Variants in DLGAP1 observed in about 807,000 individuals in gnomAD.
The protein encoded by DLGAP1 is disks large-associated protein 1.
Under a neutral mutation model 90.8 loss-of-function variants are expected in DLGAP1, and 11 were observed. The ratio of observed to expected loss-of-function variants is 0.12; its 90% CI spans 0.08 to 0.20. The LOEUF (loss-of-function observed/expected upper bound fraction) is 0.20, where lower values mean the gene tolerates loss of function less well. Ranked by LOEUF, DLGAP1 falls within the 10% of genes least tolerant of loss-of-function variation. The pLI, the probability that DLGAP1 is intolerant of heterozygous loss-of-function variation, is 1.00. For synonymous variants in DLGAP1, 558 were observed against 540.7 expected, an observed-to-expected ratio of 1.03 and a Z score of -0.44; for missense variants, 1,050 against 1,333.8, an observed-to-expected ratio of 0.79 and a Z score of 3.31.
At chr18:4,382,215 C>T (rs2082139442) in intron 1 of DLGAP1, among the ~76,000 whole-genome samples, 1 of 152,160 alleles carries the variant, frequency 6.6e-6, no homozygotes, top group African/African-American at 2.4e-5. Context: ...GAGTCAGACT[C>T]TGCAGTCAGA....
At chr18:3,761,985 T>C (rs2063989449) in intron 5 of DLGAP1, among the ~76,000 whole-genome samples, 1 of 152,212 alleles carries the variant, frequency 6.6e-6, no homozygotes, top group African/African-American at 2.4e-5. Context: ...CTACTAACAT[T>C]TGGGGACCAA....
chr18:4,365,975 T>C (rs2081755219), intron 1 of DLGAP1, among the ~76,000 whole-genome samples: 1 of 152,118 alleles, frequency 6.6e-6, no homozygotes, highest in South Asian at 2.1e-4. Context: ...TTTAGCAAGA[T>C]ACACTGATTT....
At chr18:4,091,038 A>G (rs1017732472) in intron 2 of DLGAP1, among the ~76,000 whole-genome samples, 1 of 152,246 alleles carries the variant, frequency 6.6e-6, no homozygotes, top group African/African-American at 2.4e-5. Flanking sequence ...TGGGAGCTGA[A>G]CAATGAGAAC....
intron 1 of DLGAP1, among the ~76,000 whole-genome samples, chr18:4,310,797 C>T (rs4798212): frequency 0.1 from 15,954 of 152,094 alleles, 2,321 homozygotes; most frequent in African/African-American, 0.33. Context: ...TTCTGTATGC[C>T]AAAAGGTTCA....
At position 3,586,588 on chromosome 18, in the gene DLGAP1, A is replaced by T. The variant is rs185771339; in HGVS notation, c.1592-4340T>A. Among the ~76,000 whole-genome samples the T allele has an allele frequency of 2.0e-3, 304 of 152,224 alleles. 2 individuals carry two copies. Among genetic ancestry groups the T allele is most frequent in the Non-Finnish European group, 3.3e-3 (225 of 68,024 alleles). On this transcript the variant is annotated intron_variant, in intron 7 of 12. Coordinates refer to ENST00000315677, the MANE Select transcript of DLGAP1 (RefSeq NM_004746.4). ...GATCCTCCCCCTCTGCCTGCTGAATAGGTGGCACAACGGGCGCATGCCACC... is the reference window on the plus strand; with the variant it reads ...GATCCTCCCCCTCTGCCTGCTGAATTGGTGGCACAACGGGCGCATGCCACC...
chr18:3,981,410 C>T (rs1338428635), intron 3 of DLGAP1, among the ~76,000 whole-genome samples: 3 of 152,252 alleles, frequency 2.0e-5, no homozygotes, highest in African/African-American at 7.2e-5. Context: ...GGATTCAGAC[C>T]TGGCGGAGAC....
intron 7 of DLGAP1, among the ~76,000 whole-genome samples, chr18:3,696,186 A>C (rs1019035492): frequency 3.3e-5 from 5 of 152,058 alleles, no homozygotes; most frequent in Admixed American, 6.6e-5. Context: ...AATACGCTTT[A>C]TTTCTTTCTC....
chr18:3,619,081 C>G (rs2058001486), intron 7 of DLGAP1, among the ~76,000 whole-genome samples: 1 of 152,164 alleles, frequency 6.6e-6, no homozygotes, highest in Non-Finnish European at 1.5e-5. Flanking sequence ...CACCCGCAAG[C>G]CACAGAGAGA....
At position 3,874,806 on chromosome 18, in the gene DLGAP1, G is replaced by GA. The variant is rs1056025103; in HGVS notation, c.957+4305dup. ...TTGACATTTAAAAATAACAATATTG[G>GA]AAAAAAAAGGAGTCCCTTTTTTTAT... On this transcript the variant is annotated intron_variant, in intron 4 of 12. Transcript: ENST00000315677. 127 of 1,358,904 alleles carry GA rather than the reference G, an allele frequency of 9.3e-5. No homozygotes were observed. In the African/African-American group the frequency reaches 1.2e-3, roughly 13 times the overall value. The allele number at this position is 1,358,904 out of a possible 1,614,324, so 84.2% of individuals were successfully genotyped here. A position where few individuals can be genotyped will look rare whatever the true frequency, so the allele number is the denominator to read the frequency against.
chr18:3,747,676 A>G, intron 5 of DLGAP1, among the ~76,000 whole-genome samples: 1 of 152,204 alleles, frequency 6.6e-6, no homozygotes, highest in Non-Finnish European at 1.5e-5. Context: ...TGGGGAAATG[A>G]GGCATCATTG....
At chr18:3,833,477 T>C (rs1387366985) in intron 4 of DLGAP1, among the ~76,000 whole-genome samples, 1 of 152,104 alleles carries the variant, frequency 6.6e-6, no homozygotes, top group Admixed American at 6.6e-5. Flanking sequence ...TCAAGTGATC[T>C]GCCCGCCTCA....
intron 1 of DLGAP1, among the ~76,000 whole-genome samples, chr18:4,311,785 G>A (rs753652174): frequency 4.0e-4 from 61 of 152,126 alleles, no homozygotes; most frequent in Non-Finnish European, 7.9e-4. Context: ...GCGCAATCTC[G>A]GCTCACTGCA....
intron 5 of DLGAP1, among the ~76,000 whole-genome samples, chr18:3,812,223 T>G (rs2066880304): frequency 6.6e-6 from 1 of 152,200 alleles, no homozygotes; most frequent in Non-Finnish European, 1.5e-5. Context: ...AAGAATTTTT[T>G]TTTCAGAAGG....
chr18:3,964,052 T>A (rs2073266500), intron 3 of DLGAP1, among the ~76,000 whole-genome samples: 1 of 152,200 alleles, frequency 6.6e-6, no homozygotes, highest in African/African-American at 2.4e-5. Context: ...TTTCTATTGT[T>A]CTACACTGCA....
intron 5 of DLGAP1, among the ~76,000 whole-genome samples, chr18:3,813,407 T>C (rs1259952169): frequency 6.6e-6 from 1 of 152,208 alleles, no homozygotes; most frequent in East Asian, 1.9e-4. Flanking sequence ...GTAAGTGTAC[T>C]CTATGATGTG....
At chr18:3,785,871 T>G (rs1178684340) in intron 5 of DLGAP1, among the ~76,000 whole-genome samples, 1 of 152,178 alleles carries the variant, frequency 6.6e-6, no homozygotes, top group Non-Finnish European at 1.5e-5. Flanking sequence ...AGAGAGACCT[T>G]GAGGACTTTG....
intron 9 of DLGAP1, among the ~76,000 whole-genome samples, chr18:3,539,976 G>A (rs1360940013): frequency 6.6e-6 from 1 of 152,138 alleles, no homozygotes; most frequent in Admixed American, 6.5e-5. Flanking sequence ...CTTTGTACAT[G>A]CCTTTAGACA....
chr18:3,592,872 AAGAAAGAAAG>A (rs2056343102), intron 7 of DLGAP1, among the ~76,000 whole-genome samples: 1 of 102,162 alleles, frequency 9.8e-6, no homozygotes, highest in African/African-American at 3.9e-5. Flanking sequence ...AAAAAAGAAA[AAGAAAGAAAG>A]AAAAAGAAAA....
intron 7 of DLGAP1, among the ~76,000 whole-genome samples, chr18:3,728,356 T>G (rs905054541): frequency 6.7e-6 from 1 of 149,876 alleles, no homozygotes; most frequent in Non-Finnish European, 1.5e-5. Context: ...CATTGTCATA[T>G]ATAGCCCACG....
Sources: allele counts gnomAD v4.1 joint callset (sites outside exome capture counted in the v4.1 genomes callset), GRCh38; gene constraint gnomAD v4.1.1; transcripts MANE v1.5; gene names NCBI Gene and HGNC (gene_info 2026-07-23, HGNC 2026-07-21).